The following XXYLT1 variants were observed in gnomAD, a reference collection of about 807,000 sequenced individuals.
The protein encoded by XXYLT1 is xyloside xylosyltransferase 1.
XXYLT1 carries 20 observed loss-of-function variants against 28.9 expected under a neutral mutation model. The ratio of observed to expected loss-of-function variants is 0.69; its 90% CI spans 0.49 to 1.00. The LOEUF (loss-of-function observed/expected upper bound fraction) is 1.00. Among genes scored for constraint, XXYLT1 ranks in the 50% least tolerant of loss-of-function variants. The pLI is 0.00. For missense variants in XXYLT1, 542 were observed against 560.1 expected (o/e 0.97, Z 0.33); for synonymous variants, 257 against 253.8 (o/e 1.01, Z -0.12).
chr3:195,172,308 C>G (rs764436544), intron 2 of XXYLT1, among the ~76,000 whole-genome samples: 27 of 152,136 alleles, frequency 1.8e-4, no homozygotes, highest in Non-Finnish European at 3.2e-4. Context: ...AGATGCTGCT[C>G]GAAGTGTTTC....
chr3:195,073,018 T>C (rs1714913740), intron 3 of XXYLT1, among the ~76,000 whole-genome samples: 2 of 152,182 alleles, frequency 1.3e-5, no homozygotes, highest in Non-Finnish European at 2.9e-5. Flanking sequence ...CGAAGCCCTC[T>C]CACACTCTCC....
intron 3 of XXYLT1, among the ~76,000 whole-genome samples, chr3:195,111,829 G>C (rs1301687212): frequency 2.0e-5 from 3 of 152,152 alleles, no homozygotes; most frequent in Admixed American, 6.5e-5. Context: ...TTCAAAAATA[G>C]GAACTCAACT....
At chr3:195,234,236 GTCTGGTA>G (rs1425718992) in intron 1 of XXYLT1, among the ~76,000 whole-genome samples, 1 of 149,774 alleles carries the variant, frequency 6.7e-6, no homozygotes, top group African/African-American at 2.5e-5. Flanking sequence ...TGTACGATAG[GTCTGGTA>G]TTGATGAAAT....
intron 1 of XXYLT1, among the ~76,000 whole-genome samples, chr3:195,269,869 A>T (rs1725960329): frequency 6.6e-6 from 1 of 152,196 alleles, no homozygotes; most frequent in Non-Finnish European, 1.5e-5. Context: ...ATAAACAGAG[A>T]TGGAAGCTGT....
At chr3:195,080,790 A>G (rs1439964201) in intron 3 of XXYLT1, among the ~76,000 whole-genome samples, 1 of 152,226 alleles carries the variant, frequency 6.6e-6, no homozygotes, top group African/African-American at 2.4e-5. Flanking sequence ...AATCCGCACC[A>G]GCGCCCTTCA....
At chr3:195,213,869 A>G (rs1454983416) in intron 2 of XXYLT1, among the ~76,000 whole-genome samples, 1 of 152,186 alleles carries the variant, frequency 6.6e-6, no homozygotes, top group Non-Finnish European at 1.5e-5. Context: ...TTTTACAGAC[A>G]AAGAATGCTG....
intron 3 of XXYLT1, among the ~76,000 whole-genome samples, chr3:195,136,135 G>A (rs1165759255): frequency 1.3e-5 from 2 of 152,140 alleles, no homozygotes; most frequent in Non-Finnish European, 2.9e-5. Context: ...GAGGAAAAGC[G>A]ATAACATCAT....
Position 195,255,503 on chromosome 3 carries a change from G to A in XXYLT1, c.504+15052C>T, listed in dbSNP as rs1221645883. Among the ~76,000 whole-genome samples, 6 of 149,702 alleles carry A rather than the reference G, an allele frequency of 4.0e-5. No homozygotes were observed. The highest frequency in any genetic ancestry group is 1.3e-4 in the Admixed American group (2 of 15,132). On this transcript the variant is annotated intron_variant, in intron 1 of 3. Coordinates refer to ENST00000310380, the MANE Select transcript of XXYLT1 (RefSeq NM_152531.5). This position sits in a 1 kb window ranked among gnomAD's most constrained non-coding sequence, Gnocchi z 4.5. ...CTTCTGGAGCAGCCGATCAGTGGAC[G>A]TGGAGCAAAGCCTTTCATTGTCCAC...
intron 3 of XXYLT1, among the ~76,000 whole-genome samples, chr3:195,099,939 T>C (rs1716683047): frequency 6.6e-6 from 1 of 151,922 alleles, no homozygotes; most frequent in Admixed American, 6.6e-5. Context: ...ATAATTGGGA[T>C]CTGTTTCTCA....
At chr3:195,147,108 G>A (rs1256666377) in intron 3 of XXYLT1, 2 of 153,744 alleles carry the variant, frequency 1.3e-5, no homozygotes, top group Non-Finnish European at 2.9e-5. Context: ...TCTCTAAACA[G>A]CAGTACTGAC....
Position 195,173,005 on chromosome 3 carries a change from GC to G in XXYLT1, c.653-16425del, listed in dbSNP as rs1721485872. ...CACCTGATCGGGTGAGGGGCTTTAG[GC>G]ATTAGAGAGGAGTGGTTTGGCAGCC... On this transcript the variant is annotated intron_variant, in intron 2 of 3. Coordinates refer to ENST00000310380, the MANE Select transcript of XXYLT1 (RefSeq NM_152531.5). This position sits in a 1 kb window ranked among gnomAD's most constrained non-coding sequence, Gnocchi z 4.3. Among the ~76,000 whole-genome samples the G allele has an allele frequency of 6.6e-6, 1 of 152,148 alleles. No individual in the cohort carries two copies. The highest frequency in any genetic ancestry group is 2.4e-5 in the African/African-American group (1 of 41,428).
intron 1 of XXYLT1, among the ~76,000 whole-genome samples, chr3:195,227,231 G>A (rs552832484): frequency 1.3e-5 from 2 of 152,296 alleles, no homozygotes; most frequent in East Asian, 3.9e-4. Flanking sequence ...GAAACCACGT[G>A]AGAGTGTGTG....
chr3:195,106,668 C>T (rs1043822684), intron 3 of XXYLT1, among the ~76,000 whole-genome samples: 3 of 152,232 alleles, frequency 2.0e-5, no homozygotes, highest in African/African-American at 7.2e-5. Flanking sequence ...GCCTGGGGCG[C>T]CCCCAGCAAA....
At position 195,112,522 on chromosome 3, in the gene XXYLT1, A is replaced by G. The variant is rs577673926; in HGVS notation, c.786-42411T>C. 2.2e-5 allele frequency among the ~76,000 whole-genome samples: 3 copies of G among 135,752 alleles called. No individual in the cohort carries two copies. In the East Asian group the frequency reaches 7.0e-4, roughly 32 times the overall value. The allele number at this position is 135,752 out of a possible 152,430, so 89.1% of individuals were successfully genotyped here. ...CACACACCCACACACACCCACACAC[A>G]CACACAGAGCCCCCAGCCCCAGGTG... is the stretch of plus-strand genomic sequence containing the variant. On this transcript the variant is annotated intron_variant, in intron 3 of 3. Transcript: ENST00000310380.
chr3:195,252,803 C>T (rs1415281851), intron 1 of XXYLT1, among the ~76,000 whole-genome samples: 2 of 150,886 alleles, frequency 1.3e-5, no homozygotes, highest in Non-Finnish European at 2.9e-5. Flanking sequence ...AAACTCACAG[C>T]TCAGGTTACA....
Position 195,256,543 on chromosome 3 carries a change from G to A in XXYLT1, c.504+14012C>T, listed in dbSNP as rs1467228243. ...AGGGATTATCCCAGAAAGAGGGGAA[G>A]AGCAGCCTCCTCACACCCCGCAACT... On this transcript the variant is annotated intron_variant, in intron 1 of 3. Transcript: ENST00000310380. This position sits in a 1 kb window ranked among gnomAD's most constrained non-coding sequence, Gnocchi z 4.2. 2 of 985,384 alleles carry A rather than the reference G, an allele frequency of 2.0e-6. No homozygotes were observed. Among genetic ancestry groups the A allele is most frequent in the Middle Eastern group, 5.2e-4 (1 of 1,914 alleles). 61.0% of individuals were successfully genotyped at this position (985,384 alleles called of 1,614,324 possible). A position where few individuals can be genotyped will look rare whatever the true frequency, so the allele number is the denominator to read the frequency against.
chr3:195,270,997 C>T lies in XXYLT1; in HGVS notation c.62G>A (p.Arg21His), dbSNP rs955887950. ...ARAMARLGAV[R>H]SHYCALLLAA... The stretch of plus-strand genomic sequence containing the variant: ...CAGCAGCAGGGCGCAGTAGTGGGAG[C>T]GCACAGCGCCCAGGCGCGCCATGGC... Residue 21 changes from arginine (R) to histidine (H), a missense_variant, in exon 1 of 4, where the codon CGC (arginine) becomes CAC (histidine). By Grantham distance (29) the Arg-to-His change is conservative. Transcript: ENST00000310380. The T allele has an allele frequency of 1.4e-5, 20 of 1,479,134 alleles. No homozygotes were observed. Among genetic ancestry groups the T allele is most frequent in the Non-Finnish European group, 1.7e-5 (19 of 1,119,276 alleles). 91.6% of individuals were successfully genotyped at this position (1,479,134 alleles called of 1,614,324 possible). A position where few individuals can be genotyped will look rare whatever the true frequency, so the allele number is the denominator to read the frequency against.
intron 3 of XXYLT1, among the ~76,000 whole-genome samples, chr3:195,089,032 G>A (rs1180033630): frequency 6.6e-6 from 1 of 152,118 alleles, no homozygotes; most frequent in Non-Finnish European, 1.5e-5. Context: ...TATGTGAAAA[G>A]ACCAAATCTA....
At chr3:195,170,005 T>TGCGC (rs34326588) in intron 2 of XXYLT1, among the ~76,000 whole-genome samples, 4 of 186 alleles carry the variant, frequency 0.022, 2 homozygotes, top group Non-Finnish European at 0.04. Flanking sequence ...AGCTGGGATT[T>TGCGC]CATGCCCGGC....
Sources: gnomAD v4.1 joint callset for allele counts (sites outside exome capture counted in the v4.1 genomes callset) on GRCh38, gnomAD v4.1.1 for gene constraint, Gnocchi (gnomAD v3.1) non-coding constraint, MANE v1.5 for transcripts, NCBI Gene and HGNC (gene_info 2026-07-23, HGNC 2026-07-21) for gene names.